GLT1D1: variants seen among roughly 807,000 people sequenced by gnomAD.
GLT1D1 encodes glycosyltransferase 1 domain containing 1.
In GLT1D1, 21 loss-of-function variants were observed where a neutral mutation model predicts 28.7. The ratio of observed to expected loss-of-function variants is 0.73; its 90% CI spans 0.52 to 1.05. The LOEUF is 1.05. Among genes scored for constraint, GLT1D1 ranks in the 50% least tolerant of loss-of-function variants. The pLI, the probability that GLT1D1 is intolerant of heterozygous loss-of-function variation, is 0.00. For missense variants in GLT1D1, 343 were observed against 330.6 expected, an observed-to-expected ratio of 1.04 and a Z score of -0.29; for synonymous variants, 147 against 124.8, an observed-to-expected ratio of 1.18 and a Z score of -1.19.
chr12:128,890,253 G>A (rs1004520094), intron 3 of GLT1D1, among the ~76,000 whole-genome samples: 5 of 152,078 alleles, frequency 3.3e-5, no homozygotes, highest in Non-Finnish European at 7.4e-5. Flanking sequence ...CCTTCTCTGC[G>A]CAGCTCATCA....
At chr12:128,888,108 G>A (rs1319606764) in intron 2 of GLT1D1, among the ~76,000 whole-genome samples, 2 of 152,184 alleles carry the variant, frequency 1.3e-5, no homozygotes, top group African/African-American at 4.8e-5. Flanking sequence ...AGCATCTTGT[G>A]TTATTTTGGC....
At chr12:128,954,444 T>C (rs1415869090) in intron 6 of GLT1D1, among the ~76,000 whole-genome samples, 1 of 152,124 alleles carries the variant, frequency 6.6e-6, no homozygotes, top group Non-Finnish European at 1.5e-5. Flanking sequence ...ATAGCTTTAA[T>C]ATAATTTTAA....
Position 128,853,492 on chromosome 12 carries a change from C to T in GLT1D1, c.-90C>T, listed in dbSNP as rs1956117333. The T allele has an allele frequency of 1.7e-5, 16 of 968,310 alleles. No homozygotes were observed. Among genetic ancestry groups the T allele is most frequent in the Non-Finnish European group, 1.7e-5 (14 of 810,964 alleles). The allele number at this position is 968,310 out of a possible 1,614,324, so 60.0% of individuals were successfully genotyped here. A position where few individuals can be genotyped will look rare whatever the true frequency, so the allele number is the denominator to read the frequency against. On this transcript the variant is annotated 5_prime_UTR_variant, in exon 1 of 8. Coordinates refer to ENST00000281703, the MANE Select transcript of GLT1D1 (RefSeq NM_144669.3). ...GGGCGGGCGGGACAGACCCAGCCGC[C>T]CCGGCTCCCCCGCCGTCCGCGTCTG...
At chr12:128,907,667 G>A (rs1871025876) in intron 4 of GLT1D1, among the ~76,000 whole-genome samples, 2 of 152,208 alleles carry the variant, frequency 1.3e-5, no homozygotes, top group African/African-American at 4.8e-5. Flanking sequence ...GGATGGAACT[G>A]CAAATGTTCT....
intron 4 of GLT1D1, 30 bp from the exon 8 acceptor site, chr12:128,927,075 T>G (rs775978856): frequency 2.6e-6 from 4 of 1,515,810 alleles, no homozygotes; most frequent in Middle Eastern, 1.7e-4. Context: ...CCATTTGAAG[T>G]GTTTTTTTGT....
chr12:128,894,516 T>C (rs1869411911), intron 3 of GLT1D1, among the ~76,000 whole-genome samples: 1 of 152,110 alleles, frequency 6.6e-6, no homozygotes, highest in South Asian at 2.1e-4. Context: ...TTTGATCCCA[T>C]TTACTTATTT....
chr12:128,928,017 A>C (rs11060022), intron 4 of GLT1D1, among the ~76,000 whole-genome samples: 23,025 of 142,154 alleles, frequency 0.16, 2,431 homozygotes, highest in Non-Finnish European at 0.23. Context: ...AAAAAAAAAA[A>C]AAAAAAAACA....
intron 4 of GLT1D1, among the ~76,000 whole-genome samples, chr12:128,943,928 A>G (rs574262626): frequency 2.0e-4 from 31 of 152,288 alleles, no homozygotes; most frequent in African/African-American, 7.0e-4. Context: ...CTTTTCCGGG[A>G]AAATACGGAA....
chr12:128,975,152 C>T (rs1247950390), intron 7 of GLT1D1, among the ~76,000 whole-genome samples: 2 of 152,180 alleles, frequency 1.3e-5, no homozygotes, highest in African/African-American at 4.8e-5. Context: ...GGCATTGTCC[C>T]GGCAAAGGGT....
chr12:128,981,426 T>C (rs1880308193), intron 7 of GLT1D1, among the ~76,000 whole-genome samples: 1 of 152,184 alleles, frequency 6.6e-6, no homozygotes, highest in Non-Finnish European at 1.5e-5. Context: ...TACCCAGCTA[T>C]AAGCATCTCA....
chr12:128,868,410 GT>G (rs66656584), intron 1 of GLT1D1, among the ~76,000 whole-genome samples: 7,259 of 152,282 alleles, frequency 0.048, 252 homozygotes, highest in Middle Eastern at 0.099. Context: ...GAGGGTCGAG[GT>G]ATTAGGAAGG....
At chr12:128,947,638 A>G (rs927303106) in intron 6 of GLT1D1, among the ~76,000 whole-genome samples, 180 bp downstream of exon 10, 2 of 152,190 alleles carry the variant, frequency 1.3e-5, no homozygotes, top group Non-Finnish European at 2.9e-5. Context: ...GAGTTTAAAA[A>G]TATCATTTCA....
At chr12:128,861,510 G>A (rs530758203) in intron 1 of GLT1D1, among the ~76,000 whole-genome samples, 6 of 152,278 alleles carry the variant, frequency 3.9e-5, no homozygotes, top group East Asian at 1.9e-4. Context: ...GGTCCTCCTC[G>A]GCCCAGAGCA....
At position 128,935,596 on chromosome 12, in the gene GLT1D1, C is replaced by T. The variant is rs147925351; in HGVS notation, c.376-9730C>T. 7.2e-4 allele frequency among the ~76,000 whole-genome samples: 109 copies of T among 150,694 alleles called. 1 individual carries two copies. The East Asian group carries it at 0.014, about 20-fold the overall frequency. On this transcript the variant is annotated intron_variant, in intron 4 of 7. Transcript: ENST00000281703. ...GATGTTCTTAGATTGCCTAAAATGT[C>T]GCTGAGGCTGCATATGTTTTATTTA... is the stretch of plus-strand genomic sequence containing the variant.
At chr12:128,893,074 G>A (rs1310796430) in intron 3 of GLT1D1, among the ~76,000 whole-genome samples, 2 of 151,962 alleles carry the variant, frequency 1.3e-5, no homozygotes, top group African/African-American at 2.4e-5. Context: ...GGGAAACTCC[G>A]TCTTCACTAA....
At chr12:128,954,928 C>T (rs987952893) in intron 6 of GLT1D1, among the ~76,000 whole-genome samples, 4 of 152,178 alleles carry the variant, frequency 2.6e-5, no homozygotes, top group Admixed American at 6.5e-5. Flanking sequence ...CATTCCAGCC[C>T]GGGCAACAGA....
intron 4 of GLT1D1, among the ~76,000 whole-genome samples, chr12:128,927,447 C>T (rs2135918297): frequency 6.6e-6 from 1 of 151,690 alleles, no homozygotes; most frequent in East Asian, 2.0e-4. Context: ...ACCGTGTTAG[C>T]CAGGATGGTC....
chr12:128,966,286 C>T (rs998973497), intron 7 of GLT1D1, among the ~76,000 whole-genome samples: 1 of 152,200 alleles, frequency 6.6e-6, no homozygotes, highest in African/African-American at 2.4e-5. Context: ...CCAGGGGTGG[C>T]TGGCTGCACT....
chr12:128,912,460 G>A (rs1284649401), intron 4 of GLT1D1: 1 of 1,507,320 alleles, frequency 6.6e-7, no homozygotes, highest in Non-Finnish European at 8.9e-7. Context: ...CCAGAGTCAA[G>A]GTAAGATTTT....
Sources: allele counts gnomAD v4.1 joint callset (sites outside exome capture counted in the v4.1 genomes callset), GRCh38; gene constraint gnomAD v4.1.1; transcripts MANE v1.5; gene names NCBI Gene and HGNC (gene_info 2026-07-23, HGNC 2026-07-21).